JMY: variants seen among roughly 807,000 people sequenced by gnomAD.
JMY encodes junction-mediating and -regulatory protein.
Under a neutral mutation model 103.3 loss-of-function variants are expected in JMY, and 46 were observed. The observed-to-expected ratio is 0.45, with a 90% CI of 0.35 to 0.57. The LOEUF (loss-of-function observed/expected upper bound fraction) is 0.57, where lower values mean the gene tolerates loss of function less well. JMY is among the 20% of genes least tolerant of loss of function. The pLI is 0.00. For missense variants in JMY, 1,238 were observed against 1,255.2 expected, an observed-to-expected ratio of 0.99 and a Z score of 0.21; for synonymous variants, 526 against 489.3, an observed-to-expected ratio of 1.07 and a Z score of -0.99.
intron 1 of JMY, among the ~76,000 whole-genome samples, chr5:79,251,478 A>G (rs1310521518): frequency 1.3e-5 from 2 of 152,312 alleles, no homozygotes; most frequent in East Asian, 3.9e-4. Flanking sequence ...CAGATATGTA[A>G]TGCATAATAA....
intron 1 of JMY, among the ~76,000 whole-genome samples, chr5:79,251,871 T>G (rs900125152): frequency 2.6e-5 from 4 of 152,190 alleles, no homozygotes; most frequent in Non-Finnish European, 1.5e-5. Context: ...GCCTCCTGGA[T>G]TCAAGCGATT....
At chr5:79,290,315 G>T in intron 3 of JMY, 44 bp downstream of exon 3, 1 of 1,328,060 alleles carries the variant, frequency 7.5e-7, no homozygotes, top group South Asian at 1.8e-5. Context: ...TTTTGAAAAT[G>T]AGTGGTTAAG....
intron 4 of JMY, among the ~76,000 whole-genome samples, chr5:79,297,852 C>CA (rs1746609716): frequency 6.6e-6 from 1 of 152,066 alleles, no homozygotes; most frequent in African/African-American, 2.4e-5. Context: ...CTCACCGAAC[C>CA]AAAAAATTGA....
chr5:79,278,589 A>C (rs1746017160), intron 2 of JMY, among the ~76,000 whole-genome samples: 1 of 128,114 alleles, frequency 7.8e-6, no homozygotes, highest in African/African-American at 3.4e-5. Context: ...TCTCTACAAA[A>C]AAAAAAAAAA....
intron 9 of JMY, 54 bp downstream of exon 9, chr5:79,314,905 AAAAC>A: frequency 6.8e-7 from 1 of 1,462,914 alleles, no homozygotes; most frequent in South Asian, 1.4e-5. Flanking sequence ...GGCATAGTAA[AAAAC>A]TATATTTTTT....
intron 4 of JMY, among the ~76,000 whole-genome samples, chr5:79,293,822 A>G (rs1746491856): frequency 6.6e-6 from 1 of 152,192 alleles, no homozygotes; most frequent in African/African-American, 2.4e-5. Context: ...AGTTGTAGCT[A>G]CTTTATTCTA....
At chr5:79,284,331 C>G in intron 2 of JMY, 1 of 1,394,550 alleles carries the variant, frequency 7.2e-7, no homozygotes, top group Non-Finnish European at 1.0e-6. Context: ...CAAGCCTTTT[C>G]TATGTCTTTT....
Position 79,236,773 on chromosome 5 carries a change from G to A in JMY, c.123G>A (p.Lys41=). 1.3e-6 allele frequency: 2 copies of A among 1,512,200 alleles called. No homozygotes were observed. The highest frequency in any genetic ancestry group is 1.8e-6 in the Non-Finnish European group (2 of 1,128,840). The allele number at this position is 1,512,200 out of a possible 1,614,324, so 93.7% of individuals were successfully genotyped here. The change falls in exon 1 of 11, where the codon AAG becomes AAA. Residue 41 remains lysine (K), a synonymous_variant. Transcript: ENST00000396137. ...TGGCCTGGAACGAGATTGAGGGCAA[G>A]TTTGCCATAACCTGCCACAACCGGA... The part of the protein sequence containing the change: ...FIVAWNEIEG[K]FAITCHNRTA...
chr5:79,264,985 G>A (rs758646035), intron 1 of JMY, among the ~76,000 whole-genome samples: 2 of 152,126 alleles, frequency 1.3e-5, no homozygotes, highest in Non-Finnish European at 2.9e-5. Flanking sequence ...TGAGTGGCAC[G>A]ATCTTGGCTT....
intron 6 of JMY, among the ~76,000 whole-genome samples, chr5:79,302,009 GA>G (rs1746748090): frequency 6.8e-6 from 1 of 146,962 alleles, no homozygotes; most frequent in Admixed American, 7.0e-5. Context: ...CTTGAACCCA[GA>G]AGGTGGAGGT....
chr5:79,313,954 G>T (rs1747127313), intron 8 of JMY, among the ~76,000 whole-genome samples: 1 of 152,172 alleles, frequency 6.6e-6, no homozygotes, highest in Non-Finnish European at 1.5e-5. Context: ...CGCCTCCCGG[G>T]TTCAAGCAAT....
intron 1 of JMY, among the ~76,000 whole-genome samples, chr5:79,276,300 G>A (rs1184483074): frequency 6.6e-6 from 1 of 152,018 alleles, no homozygotes; most frequent in Non-Finnish European, 1.5e-5. Context: ...TGTAATTTTA[G>A]TAGAGGTGGG....
intron 7 of JMY, among the ~76,000 whole-genome samples, chr5:79,307,137 T>C (rs781177284): frequency 5.9e-5 from 9 of 152,222 alleles, no homozygotes; most frequent in Admixed American, 2.6e-4. Flanking sequence ...TCAGTTTGTT[T>C]ATCCATGTGC....
At chr5:79,280,114 G>A (rs948763974) in intron 2 of JMY, among the ~76,000 whole-genome samples, 1 of 152,148 alleles carries the variant, frequency 6.6e-6, no homozygotes, top group South Asian at 2.1e-4. Context: ...AAAGTGCTGG[G>A]ATTATAGGCA....
chr5:79,260,077 C>G (rs1300274218), intron 1 of JMY, among the ~76,000 whole-genome samples: 1 of 152,232 alleles, frequency 6.6e-6, no homozygotes, highest in Non-Finnish European at 1.5e-5. Context: ...TCTCCCAGGA[C>G]AGTGGTCGAG....
intron 4 of JMY, among the ~76,000 whole-genome samples, chr5:79,299,841 T>C (rs1386098233): frequency 6.6e-6 from 1 of 152,202 alleles, no homozygotes; most frequent in East Asian, 1.9e-4. Context: ...GCATCCACTT[T>C]TGAGAGGGAA....
intron 1 of JMY, among the ~76,000 whole-genome samples, chr5:79,266,761 G>A (rs1195539075): frequency 6.6e-6 from 1 of 151,964 alleles, no homozygotes; most frequent in Non-Finnish European, 1.5e-5. Flanking sequence ...GCTTCTTTTT[G>A]CTCTAGTTGA....
chr5:79,279,433 T>C (rs1450495948), intron 2 of JMY, among the ~76,000 whole-genome samples: 1 of 152,224 alleles, frequency 6.6e-6, no homozygotes, highest in Admixed American at 6.5e-5. Flanking sequence ...TTAAATGTTA[T>C]GTGTAATTCA....
At chr5:79,316,616 CAG>C (rs1747229312) in intron 10 of JMY, among the ~76,000 whole-genome samples, 1 of 151,722 alleles carries the variant, frequency 6.6e-6, no homozygotes, top group Admixed American at 6.6e-5. Context: ...CCTAAAAAAA[CAG>C]AAAAGGGCCT....
Sources: gnomAD v4.1 joint callset for allele counts (sites outside exome capture counted in the v4.1 genomes callset) on GRCh38, gnomAD v4.1.1 for gene constraint, MANE v1.5 for transcripts, NCBI Gene and HGNC (gene_info 2026-07-23, HGNC 2026-07-21) for gene names.